WSCD1: variants seen among roughly 807,000 people sequenced by gnomAD.
WSCD1 encodes the protein WSC domain sialate O sulfotransferase 1, also known as sialate:O-sulfotransferase 1.
Under a neutral mutation model 60.4 loss-of-function variants are expected in WSCD1, and 41 were observed. That is an observed-to-expected ratio of 0.68 (90% CI 0.53 to 0.88). The LOEUF is 0.88. Among genes scored for constraint, WSCD1 ranks in the 40% least tolerant of loss-of-function variants. WSCD1 has a pLI of 0.00. For synonymous variants in WSCD1, 361 were observed against 332.5 expected, an observed-to-expected ratio of 1.09 and a Z score of -0.93; for missense variants, 784 against 796.2, an observed-to-expected ratio of 0.98 and a Z score of 0.18.
intron 5 of WSCD1, 100 bp downstream of exon 5, chr17:6,095,323 C>T: frequency 2.1e-6 from 3 of 1,430,168 alleles, no homozygotes; most frequent in Non-Finnish European, 2.8e-6. Flanking sequence ...TCCCCTCTGG[C>T]AGTCCAGATG....
At chr17:6,084,458 A>C (rs1040943969) in intron 2 of WSCD1, among the ~76,000 whole-genome samples, 1 of 152,222 alleles carries the variant, frequency 6.6e-6, no homozygotes, top group Admixed American at 6.5e-5. Context: ...GCCTCAAACA[A>C]AGCGGGTGTC....
At chr17:6,104,039 G>A (rs1488686637) in intron 5 of WSCD1, among the ~76,000 whole-genome samples, 4 of 152,210 alleles carry the variant, frequency 2.6e-5, no homozygotes, top group Non-Finnish European at 5.9e-5. Flanking sequence ...AGTTGCATAA[G>A]TATGGCCCTA....
rs937215169 is a variant in WSCD1 at position 6,122,876 on chromosome 17, A to C, written c.*2215A>C. ...AAGTAGAGTGATGGGGTCAGTGTCC[A>C]TCCAGTTTACGCTGAGTCAGTCCAT... On this transcript the variant is annotated 3_prime_UTR_variant, in exon 9 of 9. Coordinates refer to ENST00000317744, the MANE Select transcript of WSCD1 (RefSeq NM_015253.2). 6.6e-6 allele frequency: 1 copy of C among 152,252 alleles called. No individual in the cohort carries two copies. The highest frequency in any genetic ancestry group is 2.4e-5 in the African/African-American group (1 of 41,430). 9.4% of individuals were successfully genotyped at this position (152,252 alleles called of 1,614,324 possible).
intron 2 of WSCD1, among the ~76,000 whole-genome samples, chr17:6,083,407 T>G (rs1353653536): frequency 6.6e-6 from 1 of 152,178 alleles, no homozygotes; most frequent in African/African-American, 2.4e-5. Context: ...GCACCCAAAT[T>G]ATTTCTACAA....
At chr17:6,111,946 C>T (rs1430431307) in intron 7 of WSCD1, among the ~76,000 whole-genome samples, 2 of 151,968 alleles carry the variant, frequency 1.3e-5, no homozygotes, top group Non-Finnish European at 2.9e-5. Context: ...ATACAAACAA[C>T]CAAACAAATC....
At position 6,080,689 on chromosome 17, in the gene WSCD1, T is replaced by C. The variant is rs1431509481; in HGVS notation, c.31T>C (p.Phe11Leu). 1.9e-6 allele frequency: 3 copies of C among 1,613,576 alleles called. No individual in the cohort carries two copies. The highest frequency in any genetic ancestry group is 1.3e-5 in the African/African-American group (1 of 75,026). Residue 11 changes from phenylalanine (F) to leucine (L), a missense_variant, in exon 2 of 9, where the codon TTT (phenylalanine) becomes CTT (leucine). Phe to Leu is a conservative substitution (Grantham distance 22, BLOSUM62 0). Transcript: ENST00000317744. This position sits in a 1 kb window ranked among gnomAD's most constrained non-coding sequence, Gnocchi z 6.6. ...CAAACCTTTCTTCCGACTCCAGAAG[T>C]TTCTCCGCCGAACACAGTTCCTGCT... The part of the protein sequence containing the change: MAKPFFRLQK[F>L]LRRTQFLLFF...
chr17:6,105,146 T>C (rs1911013497), intron 5 of WSCD1, among the ~76,000 whole-genome samples: 1 of 152,108 alleles, frequency 6.6e-6, no homozygotes, highest in African/African-American at 2.4e-5. Context: ...CCTTGCTGAG[T>C]CATGACCTTG....
intron 5 of WSCD1, among the ~76,000 whole-genome samples, chr17:6,099,687 G>A (rs1010640962): frequency 6.6e-6 from 1 of 152,056 alleles, no homozygotes; most frequent in Non-Finnish European, 1.5e-5. Flanking sequence ...GGGAGGGCCA[G>A]GTTTTTCAAG....
chr17:6,086,468 T>C (rs1289122206), intron 2 of WSCD1, among the ~76,000 whole-genome samples: 1 of 151,796 alleles, frequency 6.6e-6, no homozygotes. Context: ...CTGGAGTAGC[T>C]GGGATTACAG....
In WSCD1 at chr17:6,110,242, A is replaced by G. The variant is rs1280776041; in HGVS notation, c.1009+476A>G. The stretch of plus-strand genomic sequence containing the variant: ...GACGAGGGATGTTACCACCTTTATC[A>G]AGTGCCTACTGTGACCCAGCATGGC... On this transcript the variant is annotated intron_variant, in intron 6 of 8. Transcript: ENST00000317744. The surrounding 1 kb of genome is among the most constrained non-coding windows in gnomAD (Gnocchi z 4.8). 6.6e-6 allele frequency among the ~76,000 whole-genome samples: 1 copy of G among 152,104 alleles called. No homozygotes were observed. The highest frequency in any genetic ancestry group is 1.5e-5 in the Non-Finnish European group (1 of 68,002).
chr17:6,091,565 C>T (rs1876999210), intron 4 of WSCD1, among the ~76,000 whole-genome samples: 1 of 152,234 alleles, frequency 6.6e-6, no homozygotes, highest in Admixed American at 6.5e-5. Context: ...TTTGTCCTCA[C>T]TGCAAGATGA....
intron 1 of WSCD1, among the ~76,000 whole-genome samples, chr17:6,072,723 C>T (rs1908618108): frequency 6.6e-6 from 1 of 152,240 alleles, no homozygotes; most frequent in Non-Finnish European, 1.5e-5. Flanking sequence ...GCTTTCCGCT[C>T]ACCACCTTCT....
chr17:6,113,470 A>G (rs1174090672), intron 7 of WSCD1, among the ~76,000 whole-genome samples: 1 of 152,238 alleles, frequency 6.6e-6, no homozygotes, highest in Non-Finnish European at 1.5e-5. Context: ...TCAAGAGCAC[A>G]GACAACAAAA....
intron 2 of WSCD1, among the ~76,000 whole-genome samples, chr17:6,085,167 G>A (rs1391048666): frequency 1.3e-5 from 2 of 152,128 alleles, no homozygotes; most frequent in African/African-American, 4.8e-5. Context: ...AATAATGGCT[G>A]TTATTTATTT....
intron 1 of WSCD1, among the ~76,000 whole-genome samples, chr17:6,074,195 T>C (rs996591647): frequency 6.6e-6 from 1 of 152,228 alleles, no homozygotes; most frequent in African/African-American, 2.4e-5. Context: ...TATTAAAATT[T>C]TGAATCTTTT....
intron 5 of WSCD1, among the ~76,000 whole-genome samples, chr17:6,100,025 G>A (rs1050011067): frequency 1.3e-5 from 2 of 151,972 alleles, no homozygotes; most frequent in Admixed American, 6.5e-5. Context: ...ACTTTTTTCA[G>A]TGGGTGGGAG....
At chr17:6,098,566 T>A (rs192893828) in intron 5 of WSCD1, among the ~76,000 whole-genome samples, 1 of 152,290 alleles carries the variant, frequency 6.6e-6, no homozygotes, top group African/African-American at 2.4e-5. Flanking sequence ...GCATCCAGGT[T>A]TCTCAGAAAC....
chr17:6,118,382 C>A lies in WSCD1; in HGVS notation c.1375+194C>A, dbSNP rs775130489. Among the ~76,000 whole-genome samples, 34 of 152,172 alleles carry A rather than the reference C, an allele frequency of 2.2e-4. No homozygotes were observed. The highest frequency in any genetic ancestry group is 4.1e-4 in the Non-Finnish European group (28 of 68,022). On this transcript the variant is annotated intron_variant, in intron 8 of 8. Transcript: ENST00000317744. The surrounding 1 kb of genome is among the most constrained non-coding windows in gnomAD (Gnocchi z 5.8). ...GCTTGAGTTCACCTCCTCCCCTTGC[C>A]CCCCATGCCTGCTGAGGTCCATACG...
In WSCD1 at chr17:6,080,770, G is replaced by T. The variant is rs1459077298; in HGVS notation, c.112G>T (p.Val38Phe). Residue 38 changes from valine (V) to phenylalanine (F), a missense_variant, in exon 2 of 9, where the codon GTC (valine) becomes TTC (phenylalanine). Coordinates refer to ENST00000317744, the MANE Select transcript of WSCD1 (RefSeq NM_015253.2). This position sits in a 1 kb window ranked among gnomAD's most constrained non-coding sequence, Gnocchi z 6.6. Reference protein sequence around the residue: ...MTGSLLLLQRVRVALPQGPRA... With the variant: ...MTGSLLLLQRFRVALPQGPRA... ...CGGCAGCCTGCTGCTGCTGCAGCGG[G>T]TCCGCGTGGCTCTCCCACAGGGCCC... 6.2e-7 allele frequency: 1 copy of T among 1,612,034 alleles called. No homozygotes were observed. Among genetic ancestry groups the T allele is most frequent in the East Asian group, 2.2e-5 (1 of 44,844 alleles).
Sources: allele counts gnomAD v4.1 joint callset (sites outside exome capture counted in the v4.1 genomes callset), GRCh38; gene constraint gnomAD v4.1.1; non-coding constraint Gnocchi (gnomAD v3.1); transcripts MANE v1.5; gene names NCBI Gene and HGNC (gene_info 2026-07-23, HGNC 2026-07-21).